Variants in CEP104 observed in about 807,000 individuals in gnomAD.
CEP104 encodes centrosomal protein 104, also known as centrosomal protein of 104 kDa.
In CEP104, 84 loss-of-function variants were observed where a neutral mutation model predicts 113.3. The ratio of observed to expected loss-of-function variants is 0.74; its 90% CI spans 0.62 to 0.89. The LOEUF (loss-of-function observed/expected upper bound fraction) is 0.89, where lower values mean the gene tolerates loss of function less well. Among genes scored for constraint, CEP104 ranks in the 40% least tolerant of loss-of-function variants. The probability of loss-of-function intolerance (pLI) is 0.00; values close to 1 mark genes in which losing one functional copy is unlikely to be tolerated. For synonymous variants in CEP104, 378 were observed against 421.7 expected, an observed-to-expected ratio of 0.90 and a Z score of 1.27; for missense variants, 1,053 against 1,156.6, an observed-to-expected ratio of 0.91 and a Z score of 1.30.
chr1:3,830,725 G>A (rs1470879007), intron 13 of CEP104, among the ~76,000 whole-genome samples: 1 of 147,884 alleles, frequency 6.8e-6, no homozygotes, highest in South Asian at 2.1e-4. Flanking sequence ...GCAGTGAGCC[G>A]AGATGGCACC....
rs1643863747 is a variant in CEP104, at chr1:3,815,315, A to G, written c.*87T>C. On this transcript the variant is annotated 3_prime_UTR_variant, in exon 22 of 22. Coordinates refer to ENST00000378230, the MANE Select transcript of CEP104 (RefSeq NM_014704.4). ...GGGACAGCAGCCAGAGCATGGGGCC[A>G]CCAAGGCCAGAGAGTTCTGGAGAGA... The G allele has an allele frequency of 1.3e-5, 14 of 1,046,192 alleles. No homozygotes were observed. The highest frequency in any genetic ancestry group is 1.7e-5 in the Non-Finnish European group (12 of 702,970). The allele number at this position is 1,046,192 out of a possible 1,614,324, so 64.8% of individuals were successfully genotyped here.
chr1:3,821,325 A>AT (rs1387729967), intron 20 of CEP104, among the ~76,000 whole-genome samples: 2 of 152,240 alleles, frequency 1.3e-5, no homozygotes, highest in Non-Finnish European at 2.9e-5. Context: ...AACACATTGA[A>AT]TAATTTAAAT....
At chr1:3,849,267 T>G (rs1351020469) in intron 2 of CEP104, among the ~76,000 whole-genome samples, 101 of 2,964 alleles carry the variant, frequency 0.034, no homozygotes, top group Middle Eastern at 0.5. Context: ...GTGACATAAC[T>G]TTTTTTTTTT....
At chr1:3,856,793 G>C (rs1644741796) in intron 1 of CEP104, 96 bp downstream of exon 1, 1 of 150,620 alleles carries the variant, frequency 6.6e-6, no homozygotes, top group South Asian at 2.0e-4. Flanking sequence ...CCAGCTCCCA[G>C]GTGGGGACCG....
chr1:3,843,483 T>A (rs1407258731), intron 6 of CEP104, among the ~76,000 whole-genome samples: 1 of 151,516 alleles, frequency 6.6e-6, no homozygotes, highest in Admixed American at 6.6e-5. Flanking sequence ...TCCTGAGTAG[T>A]TGAGACTACA....
rs960206356 is a variant in CEP104, at chr1:3,813,204, T to C, written c.*2198A>G. ...AAATCATTTTACAGACATCTTGGCA[T>C]CTATACTCTGTTTTGTCTAATAAAC... On this transcript the variant is annotated 3_prime_UTR_variant, in exon 22 of 22. Transcript: ENST00000378230. 2 of 152,038 alleles carry C rather than the reference T, an allele frequency of 1.3e-5. No individual in the cohort carries two copies. The highest frequency in any genetic ancestry group is 4.8e-5 in the African/African-American group (2 of 41,410). 9.4% of individuals were successfully genotyped at this position (152,038 alleles called of 1,614,324 possible).
intron 4 of CEP104, among the ~76,000 whole-genome samples, chr1:3,846,167 T>C (rs1349862869): frequency 6.7e-6 from 1 of 150,240 alleles, no homozygotes; most frequent in African/African-American, 2.5e-5. Context: ...AAATGAGACA[T>C]CCACGTGAGA....
Position 3,816,347 on chromosome 1 carries a change from G to T in CEP104, c.2595C>A (p.Gly865=). ...GEEAWKAHLM[G]PAGCTMNLRK... is the part of the protein sequence containing the mutation. ...GCAGGTTCATCGTGCAGCCGGCTGG[G>T]CCCATCAGGTGAGCTTTCCATGCCT... The change falls in exon 21 of 22, where the codon GGC becomes GGA. Residue 865 remains glycine, a synonymous_variant. Coordinates refer to ENST00000378230, the MANE Select transcript of CEP104 (RefSeq NM_014704.4). 1 of 1,552,720 alleles carries T rather than the reference G, an allele frequency of 6.4e-7. No individual in the cohort carries two copies.
chr1:3,829,727 AC>A lies in CEP104; in HGVS notation c.2043+63del, dbSNP rs1454942006. 5.4e-6 allele frequency: 8 copies of A among 1,488,868 alleles called. No individual in the cohort carries two copies. In the East Asian group the frequency reaches 1.8e-4, roughly 34 times the overall value. The allele number at this position is 1,488,868 out of a possible 1,614,324, so 92.2% of individuals were successfully genotyped here. A position where few individuals can be genotyped will look rare whatever the true frequency, so the allele number is the denominator to read the frequency against. On this transcript the variant is annotated intron_variant, in intron 14 of 21. Coordinates refer to ENST00000378230, the MANE Select transcript of CEP104 (RefSeq NM_014704.4). ...AAATGACATATTTACTTATTTACGT[AC>A]CGAGTAACTGAGTAACTTCTTCAAC...
rs556368441 is a variant in CEP104, at chr1:3,828,109, T to C, written c.2151+1157A>G. ...GAATAGCTCCTGGGCGGCTGCTGCT[T>C]CTGGAGCCACTGCCACCAGGTCCTG... On this transcript the variant is annotated intron_variant, in intron 15 of 21. Transcript: ENST00000378230. Among the ~76,000 whole-genome samples, 3 of 152,028 alleles carry C rather than the reference T, an allele frequency of 2.0e-5. No individual in the cohort carries two copies. The East Asian group carries it at 5.8e-4, about 30-fold the overall frequency.
rs114457420 is a variant in CEP104, at chr1:3,846,414, G to A, written c.426+1061C>T. 6.0e-3 allele frequency among the ~76,000 whole-genome samples: 909 copies of A among 152,278 alleles called. 11 individuals are homozygous for A. The highest frequency in any genetic ancestry group is 0.02 in the African/African-American group (847 of 41,560). On this transcript the variant is annotated intron_variant, in intron 4 of 21. Transcript: ENST00000378230. ...TGGGAAACCGAGCAAGTTTTGAAAT[G>A]AAATTTTTTAGTCTTTCATGTCAGT...
chr1:3,855,772 CACTGAAGGAT>C (rs1204802105), intron 1 of CEP104: 13 of 377,984 alleles, frequency 3.4e-5, no homozygotes, highest in Non-Finnish European at 4.7e-5. Flanking sequence ...CTTGGAATGT[CACTGAAGGAT>C]GCCACTTTTA....
intron 20 of CEP104, among the ~76,000 whole-genome samples, chr1:3,821,626 G>A (rs1363822903): frequency 2.0e-5 from 3 of 152,132 alleles, no homozygotes; most frequent in Admixed American, 6.6e-5. Context: ...CATATCACGC[G>A]CCTCCCGGGG....
At chr1:3,845,263 T>C (rs775778279) in intron 5 of CEP104, 26 bp downstream of exon 5, 1 of 1,481,198 alleles carries the variant, frequency 6.8e-7, no homozygotes, top group East Asian at 2.3e-5. Context: ...TTTACTTCCT[T>C]AGGAATTAAA....
At chr1:3,832,601 T>C (rs1010601292) in intron 12 of CEP104, among the ~76,000 whole-genome samples, 12 of 150,450 alleles carry the variant, frequency 8.0e-5, no homozygotes, top group African/African-American at 2.5e-4. Context: ...TTTATTAGCA[T>C]TCCTTTTCCT....
chr1:3,843,469 A>C (rs1403686724), intron 6 of CEP104: 1 of 455,946 alleles, frequency 2.2e-6, no homozygotes, highest in African/African-American at 2.1e-5. Context: ...TTCCTGCCTC[A>C]ATTTCCTGAG....
chr1:3,845,053 A>C, intron 5 of CEP104, 70 bp from the exon 6 acceptor site: 1 of 1,285,094 alleles, frequency 7.8e-7, no homozygotes, highest in Non-Finnish European at 1.1e-6. Context: ...TAACTACAAG[A>C]TTTATTTCAT....
chr1:3,828,937 A>G (rs1250551060), intron 15 of CEP104, among the ~76,000 whole-genome samples: 3 of 152,132 alleles, frequency 2.0e-5, no homozygotes, highest in African/African-American at 7.2e-5. Flanking sequence ...AGTCAAGCTG[A>G]TTTTTCTCCT....
At position 3,838,433 on chromosome 1, in the gene CEP104, G is replaced by C. The variant is rs182446985; in HGVS notation, c.891+531C>G. Among the ~76,000 whole-genome samples the C allele has an allele frequency of 1.5e-4, 23 of 152,304 alleles. No homozygotes were observed. In the East Asian group the frequency reaches 4.4e-3, roughly 29 times the overall value. On this transcript the variant is annotated intron_variant, in intron 8 of 21. Transcript: ENST00000378230. Reference sequence around the variant, plus strand: ...CCCAAAGTGATGGGATTACAGGCGTGAGCCACCATGCCTGGCCTTGAGAGT... The same window carrying C: ...CCCAAAGTGATGGGATTACAGGCGTCAGCCACCATGCCTGGCCTTGAGAGT...
Sources: allele counts gnomAD v4.1 joint callset (sites outside exome capture counted in the v4.1 genomes callset), GRCh38; gene constraint gnomAD v4.1.1; transcripts MANE v1.5; gene names NCBI Gene and HGNC (gene_info 2026-07-23, HGNC 2026-07-21).